ZDHHC18: variants seen among roughly 807,000 people sequenced by gnomAD.
ZDHHC18 encodes the protein palmitoyltransferase ZDHHC18.
In ZDHHC18, 23 loss-of-function variants were observed where a neutral mutation model predicts 37.5. The observed-to-expected ratio is 0.61, with a 90% CI of 0.44 to 0.87. The LOEUF (loss-of-function observed/expected upper bound fraction) is 0.87, where lower values mean the gene tolerates loss of function less well. Among genes scored for constraint, ZDHHC18 ranks in the 40% least tolerant of loss-of-function variants. The pLI is 0.00. For missense variants in ZDHHC18, 406 were observed against 525.6 expected (o/e 0.77, Z 2.22); for synonymous variants, 185 against 218.7 (o/e 0.85, Z 1.36).
intron 2 of ZDHHC18, among the ~76,000 whole-genome samples, chr1:26,837,103 AT>A (rs1463221997): frequency 2.0e-5 from 3 of 147,888 alleles, no homozygotes; most frequent in African/African-American, 7.4e-5. Flanking sequence ...TACAAAAAAA[AT>A]TAGCTGGGTG....
chr1:26,848,382 G>A (rs961795260), intron 2 of ZDHHC18, among the ~76,000 whole-genome samples: 2 of 152,146 alleles, frequency 1.3e-5, no homozygotes, highest in Middle Eastern at 3.4e-3. Context: ...CTTAGAGTGG[G>A]TAAGGCCGGC....
chr1:26,850,732 C>G lies in ZDHHC18; in HGVS notation c.833+126C>G. 6.1e-6 allele frequency: 7 copies of G among 1,138,398 alleles called. No homozygotes were observed. The South Asian group carries it at 9.6e-5, about 16-fold the overall frequency. 70.5% of individuals were successfully genotyped at this position (1,138,398 alleles called of 1,614,324 possible). ...CTCACATGTGTCCTCCAGAATCCAA[C>G]ATGCCAGCTCTTCTGTTCACACCCA... On this transcript the variant is annotated intron_variant, in intron 5 of 7. Coordinates refer to ENST00000374142, the MANE Select transcript of ZDHHC18 (RefSeq NM_032283.3). This position sits in a 1 kb window ranked among gnomAD's most constrained non-coding sequence, Gnocchi z 6.1.
chr1:26,842,421 A>G (rs2081643938), intron 2 of ZDHHC18, among the ~76,000 whole-genome samples: 1 of 152,266 alleles, frequency 6.6e-6, no homozygotes, highest in Non-Finnish European at 1.5e-5. Flanking sequence ...ACTGAGGCAC[A>G]AAGAGCTTAT....
chr1:26,830,134 A>G (rs1285954542), intron 1 of ZDHHC18, among the ~76,000 whole-genome samples: 1 of 152,206 alleles, frequency 6.6e-6, no homozygotes, highest in African/African-American at 2.4e-5. Context: ...GAGACTTCAG[A>G]AGCAGCATGC....
chr1:26,845,477 C>T (rs12082552), intron 2 of ZDHHC18, among the ~76,000 whole-genome samples: 14 of 150,822 alleles, frequency 9.3e-5, no homozygotes, highest in Admixed American at 2.7e-4. Context: ...GGATTACAGG[C>T]GCCCACCACC....
intron 2 of ZDHHC18, among the ~76,000 whole-genome samples, chr1:26,839,088 C>T (rs553446658): frequency 1.1e-4 from 17 of 152,376 alleles, no homozygotes; most frequent in African/African-American, 2.6e-4. Context: ...AGGCTCTGAC[C>T]GCAGAAGGCC....
chr1:26,833,094 A>G (rs1347345749), intron 2 of ZDHHC18, among the ~76,000 whole-genome samples: 3 of 152,228 alleles, frequency 2.0e-5, no homozygotes, highest in Non-Finnish European at 4.4e-5. Context: ...TTGACCCCCT[A>G]CTATGTGCCA....
intron 2 of ZDHHC18, among the ~76,000 whole-genome samples, chr1:26,847,691 T>C (rs899008380): frequency 2.0e-5 from 3 of 150,590 alleles, no homozygotes; most frequent in Admixed American, 6.6e-5. Context: ...CTCTCTCTCT[T>C]TTTTTTTTAA....
chr1:26,828,850 C>T, intron 1 of ZDHHC18, among the ~76,000 whole-genome samples: 1 of 151,932 alleles, frequency 6.6e-6, no homozygotes, highest in East Asian at 1.9e-4. Flanking sequence ...TTCTAGTATC[C>T]CCTGGGCTGC....
At position 26,833,612 on chromosome 1, in the gene ZDHHC18, CTGCTG is replaced by C. The variant is rs538634062; in HGVS notation, c.496+1008_496+1012del. Among the ~76,000 whole-genome samples the C allele has an allele frequency of 1.1e-4, 17 of 152,242 alleles. No individual in the cohort carries two copies. In the South Asian group the frequency reaches 3.5e-3, roughly 32 times the overall value. On this transcript the variant is annotated intron_variant, in intron 2 of 7. Transcript: ENST00000374142. ...CAGGTGGCCCTTGATTCCTTTCAGA[CTGCTG>C]TGTGGGTTCCGGGGTGGCGGGGTAC...
chr1:26,830,671 G>A (rs569580862), intron 1 of ZDHHC18, among the ~76,000 whole-genome samples: 13 of 152,296 alleles, frequency 8.5e-5, no homozygotes, highest in South Asian at 8.3e-4. Context: ...TACCGGGTAC[G>A]TCCTTGGTGC....
intron 2 of ZDHHC18, among the ~76,000 whole-genome samples, chr1:26,847,240 C>T (rs560309632): frequency 4.6e-5 from 7 of 152,076 alleles, no homozygotes; most frequent in Admixed American, 4.6e-4. Flanking sequence ...GGGTCTTGCT[C>T]TGTCACCCTG....
Position 26,838,798 on chromosome 1 carries a change from C to T in ZDHHC18, c.496+6191C>T, listed in dbSNP as rs187329984. Among the ~76,000 whole-genome samples the T allele has an allele frequency of 4.2e-4, 64 of 152,374 alleles. 1 individual carries two copies. The highest frequency in any genetic ancestry group is 3.4e-3 in the Middle Eastern group (1 of 294). ...ACTTCTGTCTGACTCTGCCCTCAGG[C>T]GGGCTCTTCCTGTATCCACAGGCCT... is the stretch of plus-strand genomic sequence containing the variant. On this transcript the variant is annotated intron_variant, in intron 2 of 7. Transcript: ENST00000374142.
intron 2 of ZDHHC18, among the ~76,000 whole-genome samples, chr1:26,841,426 G>T (rs1439367734): frequency 6.6e-6 from 1 of 152,204 alleles, no homozygotes; most frequent in Non-Finnish European, 1.5e-5. Context: ...GAGCCACTAT[G>T]CTTGGCCTTC....
rs768006137 is a variant in ZDHHC18 at position 26,852,763 on chromosome 1, C to T, written c.947C>T (p.Ser316Leu). Residue 316 changes from serine (S) to leucine (L), a missense_variant, in exon 7 of 8, where the codon TCG (serine) becomes TTG (leucine). Coordinates refer to ENST00000374142, the MANE Select transcript of ZDHHC18 (RefSeq NM_032283.3). ...NLTTNEDIKG[S>L]WSSKRGGEAS... is the part of the protein sequence containing the mutation. ...CCTTCCTGCTTGCAGATCAAAGGCT[C>T]GTGGTCCAGCAAGAGGGGCGGTGAG... The T allele has an allele frequency of 7.4e-6, 12 of 1,613,858 alleles. No homozygotes were observed. Among genetic ancestry groups the T allele is most frequent in the East Asian group, 4.5e-5 (2 of 44,896 alleles).
In ZDHHC18 at chr1:26,854,958, G is replaced by A. The variant is rs962228222; in HGVS notation, c.*1115G>A. On this transcript the variant is annotated 3_prime_UTR_variant, in exon 8 of 8. Coordinates refer to ENST00000374142, the MANE Select transcript of ZDHHC18 (RefSeq NM_032283.3). The surrounding 1 kb of genome is among the most constrained non-coding windows in gnomAD (Gnocchi z 4.6). Reference sequence around the variant, plus strand: ...AGTGTCAGAAGCACTCTGAGCCAAGGGGACAGGGGGCACGTGCACTGGTCA... The same window carrying A: ...AGTGTCAGAAGCACTCTGAGCCAAGAGGACAGGGGGCACGTGCACTGGTCA... The A allele has an allele frequency of 1.8e-4, 28 of 152,270 alleles. No homozygotes were observed. Among genetic ancestry groups the A allele is most frequent in the African/African-American group, 6.0e-4 (25 of 41,442 alleles). The allele number at this position is 152,270 out of a possible 1,614,324, so 9.4% of individuals were successfully genotyped here. A position where few individuals can be genotyped will look rare whatever the true frequency, so the allele number is the denominator to read the frequency against.
intron 1 of ZDHHC18, among the ~76,000 whole-genome samples, chr1:26,829,517 G>A (rs983215547): frequency 1.3e-5 from 2 of 151,938 alleles, no homozygotes; most frequent in Non-Finnish European, 2.9e-5. Flanking sequence ...CTGTCCATCC[G>A]CACAGCATAG....
intron 2 of ZDHHC18, among the ~76,000 whole-genome samples, chr1:26,845,320 CTTTTTTTTTTTTTTTTTTTT>C (rs71007896): frequency 4.4e-5 from 2 of 45,194 alleles, no homozygotes; most frequent in African/African-American, 2.5e-4. Context: ...CTTCTTCATT[CTTTTTTTTTTTTTTTTTTTT>C]TTTTTTTTTT....
chr1:26,829,260 T>C (rs917739412), intron 1 of ZDHHC18, among the ~76,000 whole-genome samples: 10 of 152,182 alleles, frequency 6.6e-5, no homozygotes, highest in Non-Finnish European at 1.2e-4. Flanking sequence ...CTTGGTGGAT[T>C]GTTGCACAGG....
Sources: gnomAD v4.1 joint callset for allele counts (sites outside exome capture counted in the v4.1 genomes callset) on GRCh38, gnomAD v4.1.1 for gene constraint, Gnocchi (gnomAD v3.1) non-coding constraint, MANE v1.5 for transcripts, NCBI Gene and HGNC (gene_info 2026-07-23, HGNC 2026-07-21) for gene names.